Variants in CUL2 observed in about 807,000 individuals in gnomAD.
CUL2 encodes the protein cullin 2.
CUL2 carries 22 observed loss-of-function variants against 110.2 expected under a neutral mutation model. That is an observed-to-expected ratio of 0.20 (90% CI 0.14 to 0.28). The LOEUF is 0.28. Ranked by LOEUF, CUL2 falls within the 10% of genes least tolerant of loss-of-function variation. The pLI is 1.00. For synonymous variants in CUL2, 279 were observed against 293.2 expected, an observed-to-expected ratio of 0.95 and a Z score of 0.49; for missense variants, 631 against 905.5, an observed-to-expected ratio of 0.70 and a Z score of 3.89.
intron 1 of CUL2, among the ~76,000 whole-genome samples, chr10:35,108,610 C>T (rs765728486): frequency 1.3e-5 from 2 of 152,092 alleles, no homozygotes; most frequent in African/African-American, 2.4e-5. Context: ...ATACCTGTTT[C>T]CAGATTTGGG....
intron 5 of CUL2, 34 bp from the exon 6 acceptor site, chr10:35,049,799 T>C: frequency 7.1e-7 from 1 of 1,410,166 alleles, no homozygotes; most frequent in Non-Finnish European, 1.0e-6. Flanking sequence ...CAGGGCTGAA[T>C]TACTTAGTAT....
At chr10:35,062,935 A>G in intron 3 of CUL2, 25 bp downstream of exon 3, 2 of 1,235,964 alleles carry the variant, frequency 1.6e-6, no homozygotes, top group Non-Finnish European at 2.4e-6. Context: ...CAACATATTT[A>G]TATCACGTAT....
chr10:35,016,428 CCATT>C (rs766146214), intron 17 of CUL2, 34 bp from the exon 18 acceptor site: 2 of 1,448,728 alleles, frequency 1.4e-6, no homozygotes, highest in Non-Finnish European at 1.9e-6. Flanking sequence ...AGTGAATTGA[CCATT>C]CAAAGAAACA....
intron 17 of CUL2, among the ~76,000 whole-genome samples, chr10:35,021,928 G>A (rs1197526972): frequency 2.7e-5 from 4 of 150,074 alleles, no homozygotes. Flanking sequence ...GGGCGAGGGG[G>A]CACCCGGCCC....
intron 5 of CUL2, 34 bp downstream of exon 5, chr10:35,054,400 C>T (rs760517797): frequency 2.6e-6 from 3 of 1,165,126 alleles, no homozygotes; most frequent in South Asian, 1.4e-5. Flanking sequence ...TAAAAACATA[C>T]TTATGTTTGC....
At chr10:35,126,718 C>T (rs955824472), upstream of CUL2, 11 of 153,050 alleles carry the variant, frequency 7.2e-5, no homozygotes, top group African/African-American at 2.4e-4. Context: ...TTGCCCCCGC[C>T]CCTACCTTCC....
intron 6 of CUL2, among the ~76,000 whole-genome samples, chr10:35,045,606 T>C (rs4934705): frequency 0.31 from 46,058 of 150,528 alleles, 7,300 homozygotes; most frequent in South Asian, 0.35. Context: ...TCCCAGCTAC[T>C]CTGGAGGCTG....
chr10:35,023,820 T>C (rs1380212198), intron 17 of CUL2, among the ~76,000 whole-genome samples: 1 of 152,170 alleles, frequency 6.6e-6, no homozygotes, highest in Non-Finnish European at 1.5e-5. Flanking sequence ...TTATGTTTAC[T>C]AAATGAAAAT....
chr10:35,054,539 C>A lies in CUL2; in HGVS notation c.318G>T (p.Arg106Ser). ...TTTTAATAAACTGGGTGTTGAGATA[C>A]CTGGAAAATAAATGTAATATCAATG... ...KGADYMDCLY[R>S]YLNTQFIKKN... is the part of the protein sequence containing the mutation. The change falls in exon 5 of 21, where the codon AGG becomes AGT. Residue 106 changes from arginine (R) to serine (S), a missense_variant and splice_region_variant. This residue lies in a region of CUL2 where 338 missense variants were observed against 442.5 expected (regional missense o/e 0.76). Transcript: ENST00000374749. 1.3e-6 allele frequency: 2 copies of A among 1,529,090 alleles called. No individual in the cohort carries two copies. Among genetic ancestry groups the A allele is most frequent in the South Asian group, 1.2e-5 (1 of 83,402 alleles). 94.7% of individuals were successfully genotyped at this position (1,529,090 alleles called of 1,614,324 possible). A position where few individuals can be genotyped will look rare whatever the true frequency, so the allele number is the denominator to read the frequency against.
chr10:35,056,741 AT>A (rs1446960232), intron 4 of CUL2, among the ~76,000 whole-genome samples: 4 of 152,326 alleles, frequency 2.6e-5, no homozygotes, highest in Non-Finnish European at 5.9e-5. Context: ...TAATTGTCAT[AT>A]TACCATTTAC....
chr10:35,032,399 T>C, intron 12 of CUL2, 36 bp downstream of exon 12: 2 of 1,550,310 alleles, frequency 1.3e-6, no homozygotes, highest in Non-Finnish European at 8.8e-7. Flanking sequence ...ATACTGACTT[T>C]TCATAAGATT....
chr10:35,043,885 C>G (rs2085863161), intron 8 of CUL2, among the ~76,000 whole-genome samples: 1 of 151,762 alleles, frequency 6.6e-6, no homozygotes, highest in Admixed American at 6.6e-5. Context: ...CTGGGCAACA[C>G]AGCAAGACCC....
intron 16 of CUL2, among the ~76,000 whole-genome samples, chr10:35,026,650 G>C (rs972338909): frequency 3.9e-5 from 6 of 152,072 alleles, no homozygotes; most frequent in African/African-American, 1.4e-4. Flanking sequence ...TTTAAAATCT[G>C]ACTACAAAGA....
intron 1 of CUL2, among the ~76,000 whole-genome samples, chr10:35,071,615 A>G (rs906283799): frequency 7.9e-5 from 12 of 152,162 alleles, no homozygotes; most frequent in South Asian, 2.1e-4. Context: ...TCACTGTGTT[A>G]GCCAGGATGG....
chr10:35,056,934 TC>T (rs2134890085), intron 4 of CUL2, among the ~76,000 whole-genome samples: 1 of 152,272 alleles, frequency 6.6e-6, no homozygotes, highest in Non-Finnish European at 1.5e-5. Context: ...TCTCACTACT[TC>T]CTTTGACTTC....
At chr10:35,039,301 G>A (rs545511271) in intron 8 of CUL2, among the ~76,000 whole-genome samples, 12 of 152,278 alleles carry the variant, frequency 7.9e-5, no homozygotes, top group African/African-American at 2.6e-4. Flanking sequence ...TTATAAGCAA[G>A]AACTAAAGTT....
intron 2 of CUL2, among the ~76,000 whole-genome samples, chr10:35,067,667 C>T (rs534493593): frequency 6.6e-6 from 1 of 151,482 alleles, no homozygotes; most frequent in Admixed American, 6.6e-5. Flanking sequence ...TCACTTAAAC[C>T]CAGGAGGGGG....
At chr10:35,036,744 C>CT (rs1214869395) in intron 9 of CUL2, among the ~76,000 whole-genome samples, 1 of 151,920 alleles carries the variant, frequency 6.6e-6, no homozygotes, top group East Asian at 1.9e-4. Context: ...GTTTTAATGG[C>CT]TTTTTTTGAG....
chr10:35,011,695 G>A (rs2001893), intron 20 of CUL2, among the ~76,000 whole-genome samples, 153 bp downstream of exon 20: 55,249 of 152,078 alleles, frequency 0.36, 10,100 homozygotes, highest in African/African-American at 0.4. Flanking sequence ...CTGAAATTGT[G>A]AGTGAGTACG....
Sources: allele counts gnomAD v4.1 joint callset (sites outside exome capture counted in the v4.1 genomes callset), GRCh38; gene constraint gnomAD v4.1.1; regional missense constraint gnomAD v4.1.1; transcripts MANE v1.5; gene names NCBI Gene and HGNC (gene_info 2026-07-23, HGNC 2026-07-21).